Variants in ZBTB10 observed in about 807,000 individuals in gnomAD.
ZBTB10 encodes zinc finger and BTB domain-containing protein 10.
A neutral mutation model predicts 76.4 loss-of-function variants in ZBTB10; 32 were observed. The ratio of observed to expected loss-of-function variants is 0.42; its 90% confidence interval spans 0.32 to 0.56. The LOEUF (loss-of-function observed/expected upper bound fraction) is 0.56. ZBTB10 is among the 20% of genes least tolerant of loss of function. ZBTB10 has a pLI of 0.14. For missense variants in ZBTB10, 1,057 were observed against 1,098.5 expected (o/e 0.96, Z 0.53); for synonymous variants, 523 against 432.9 (o/e 1.21, Z -2.58).
rs1816503097 is a variant in ZBTB10, at chr8:80,524,147, C to A, written c.*4619C>A. 6.6e-6 allele frequency: 1 copy of A among 151,952 alleles called. No homozygotes were observed. Among genetic ancestry groups the A allele is most frequent in the South Asian group, 2.1e-4 (1 of 4,824 alleles). The allele number at this position is 151,952 out of a possible 1,614,324, so 9.4% of individuals were successfully genotyped here. On this transcript the variant is annotated 3_prime_UTR_variant, in exon 6 of 6. Transcript: ENST00000455036. ...TAGACTAATTGGGGTAAGGGGAACA[C>A]CTTAATGAACTTTGACTTATGTATA... is the stretch of plus-strand genomic sequence containing the variant.
chr8:80,499,190 CTTTT>C (rs1563459749), intron 1 of ZBTB10, among the ~76,000 whole-genome samples: 1 of 152,042 alleles, frequency 6.6e-6, no homozygotes, highest in East Asian at 1.9e-4. Flanking sequence ...AATAATTGCT[CTTTT>C]TAATTTTAAT....
chr8:80,497,095 G>A (rs897708369), intron 1 of ZBTB10, among the ~76,000 whole-genome samples: 4 of 152,232 alleles, frequency 2.6e-5, no homozygotes, highest in South Asian at 4.1e-4. Context: ...ATGCTTTTGT[G>A]GAAAGTTACA....
intron 1 of ZBTB10, among the ~76,000 whole-genome samples, chr8:80,497,472 TG>T (rs145467940): frequency 0.039 from 4,588 of 116,732 alleles, 108 homozygotes; most frequent in Non-Finnish European, 0.046. Flanking sequence ...TATTATATGG[TG>T]GGGGGGGGCA....
In ZBTB10 at chr8:80,486,461, C is replaced by T. The variant is rs1412625642; in HGVS notation, c.-350C>T. The T allele has an allele frequency of 2.0e-6, 2 of 985,000 alleles. No homozygotes were observed. Among genetic ancestry groups the T allele is most frequent in the African/African-American group, 3.5e-5 (2 of 57,148 alleles). The allele number at this position is 985,000 out of a possible 1,614,324, so 61.0% of individuals were successfully genotyped here. A position where few individuals can be genotyped will look rare whatever the true frequency, so the allele number is the denominator to read the frequency against. On this transcript the variant is annotated 5_prime_UTR_variant, in exon 1 of 6. Transcript: ENST00000455036. ...GGCAGCGGAGGGTCTCCCCGCACTC[C>T]GCTGCTCAACTTCGAAGGCCTCGCT...
At chr8:80,493,614 C>T (rs1345464720) in intron 1 of ZBTB10, among the ~76,000 whole-genome samples, 1 of 150,038 alleles carries the variant, frequency 6.7e-6, no homozygotes, top group Non-Finnish European at 1.5e-5. Flanking sequence ...GTCGGGAGTT[C>T]GAGACCAACC....
Position 80,519,324 on chromosome 8 carries a change from T to A in ZBTB10, c.2412T>A (p.Val804=), listed in dbSNP as rs370560742. 54 of 1,613,616 alleles carry A rather than the reference T, an allele frequency of 3.3e-5. No individual in the cohort carries two copies. Among genetic ancestry groups the A allele is most frequent in the Non-Finnish European group, 4.3e-5 (51 of 1,179,782 alleles). The stretch of plus-strand genomic sequence containing the variant: ...GACATGGATCTCGACGTTATGGTGT[T>A]TGTGTAGACTGTGCAGATAAATCAC... ...GIRHGSRRYG[V]CVDCADKSQP... Residue 804 remains valine, a synonymous_variant, in exon 6 of 6, where the codon GTT becomes GTA. Coordinates refer to ENST00000455036, the MANE Select transcript of ZBTB10 (RefSeq NM_001105539.3).
intron 2 of ZBTB10, among the ~76,000 whole-genome samples, chr8:80,501,737 A>T (rs929654577): frequency 6.6e-6 from 1 of 152,160 alleles, no homozygotes; most frequent in Non-Finnish European, 1.5e-5. Flanking sequence ...TATATAACGA[A>T]TACTATATAT....
At chr8:80,488,659 C>T (rs144940890) in intron 1 of ZBTB10, among the ~76,000 whole-genome samples, 2 of 152,278 alleles carry the variant, frequency 1.3e-5, no homozygotes, top group Non-Finnish European at 2.9e-5. Flanking sequence ...GTTCTTAGTC[C>T]TTGTTTTAAC....
intron 1 of ZBTB10, among the ~76,000 whole-genome samples, chr8:80,488,130 TA>T (rs1432477872): frequency 6.6e-6 from 1 of 152,210 alleles, no homozygotes; most frequent in African/African-American, 2.4e-5. Context: ...AAAATTTTAT[TA>T]GCTGTGATTT....
intron 1 of ZBTB10, among the ~76,000 whole-genome samples, chr8:80,493,207 G>GCACACACACA (rs369440030): frequency 0.017 from 2,181 of 125,228 alleles, 30 homozygotes; most frequent in Admixed American, 0.043. Flanking sequence ...GCGCGCGCGC[G>GCACACACACA]CACACACACA....
chr8:80,510,580 TTACA>T (rs1816162056), intron 2 of ZBTB10, among the ~76,000 whole-genome samples: 2 of 152,000 alleles, frequency 1.3e-5, no homozygotes, highest in Non-Finnish European at 2.9e-5. Context: ...CATTTGAATA[TTACA>T]TACCACTCAT....
chr8:80,512,731 G>T (rs1441553775), intron 2 of ZBTB10, among the ~76,000 whole-genome samples: 1 of 152,000 alleles, frequency 6.6e-6, no homozygotes, highest in Non-Finnish European at 1.5e-5. Flanking sequence ...GTAACTTTCA[G>T]TTTCTTAAAA....
Position 80,487,168 on chromosome 8 carries a change from C to T in ZBTB10, c.358C>T (p.Arg120Cys). Residue 120 changes from arginine to cysteine, a missense_variant, in exon 1 of 6, where the codon CGT (arginine) becomes TGT (cysteine). Physicochemically the swap from Arg to Cys is radical, Grantham distance 180 (BLOSUM62 -3). Coordinates refer to ENST00000455036, the MANE Select transcript of ZBTB10 (RefSeq NM_001105539.3). ...AGGPLLAERN[R>C]RTLAFRGGGG... ...GGGCCCCCTGCTAGCGGAAAGGAAC[C>T]GTCGGACTCTGGCCTTCCGAGGCGG... 2 of 1,529,130 alleles carry T rather than the reference C, an allele frequency of 1.3e-6. No homozygotes were observed. Among genetic ancestry groups the T allele is most frequent in the Non-Finnish European group, 1.8e-6 (2 of 1,140,346 alleles). The allele number at this position is 1,529,130 out of a possible 1,614,324, so 94.7% of individuals were successfully genotyped here.
At chr8:80,491,594 T>C (rs1458957121) in intron 1 of ZBTB10, among the ~76,000 whole-genome samples, 1 of 152,242 alleles carries the variant, frequency 6.6e-6, no homozygotes, top group Non-Finnish European at 1.5e-5. Context: ...TGAGTCTGTG[T>C]TTTGAGCCTT....
intron 1 of ZBTB10, among the ~76,000 whole-genome samples, chr8:80,493,193 A>ACGCGCGCGCGCGCGCG (rs1199081931): frequency 9.6e-5 from 12 of 124,434 alleles, no homozygotes; most frequent in East Asian, 2.4e-4. Flanking sequence ...GTGCCTCAAA[A>ACGCGCGCGCGCGCGCG]CGCGCGCGCG....
At chr8:80,487,872 A>C (rs1461211947) in intron 1 of ZBTB10, 90 bp downstream of exon 1, 4 of 1,398,392 alleles carry the variant, frequency 2.9e-6, no homozygotes, top group East Asian at 2.4e-5. Context: ...CCGAAAAAAA[A>C]CCTCAAAACC....
Position 80,518,836 on chromosome 8 carries a change from C to T in ZBTB10, c.2192C>T (p.Ala731Val). The T allele has an allele frequency of 6.2e-7, 1 of 1,612,722 alleles. No individual in the cohort carries two copies. The highest frequency in any genetic ancestry group is 8.5e-7 in the Non-Finnish European group (1 of 1,179,420). The change falls in exon 5 of 6, where the codon GCC becomes GTC. Residue 731 changes from alanine to valine, a missense_variant. Physicochemically the swap from Ala to Val is moderately conservative, Grantham distance 64 (BLOSUM62 0). Coordinates refer to ENST00000455036, the MANE Select transcript of ZBTB10 (RefSeq NM_001105539.3). Reference protein sequence around the residue: ...KLKCPHCSYVAKYRRTLKRHL... With the variant: ...KLKCPHCSYVVKYRRTLKRHL... The stretch of plus-strand genomic sequence containing the variant: ...AAATGCCCTCATTGTAGCTATGTAG[C>T]CAAATACAGACGAACACTAAAAAGG...
intron 3 of ZBTB10, among the ~76,000 whole-genome samples, chr8:80,516,745 C>A (rs1406938682): frequency 6.6e-6 from 1 of 152,184 alleles, no homozygotes; most frequent in Non-Finnish European, 1.5e-5. Context: ...ATTTTAGAGA[C>A]ATTTTTACTT....
At position 80,519,433 on chromosome 8, in the gene ZBTB10, G is replaced by C; in HGVS notation, c.2521G>C (p.Glu841Gln). The change falls in exon 6 of 6, where the codon GAA becomes CAA. Residue 841 changes from glutamate to glutamine, a missense_variant. By Grantham distance (29) the Glu-to-Gln change is conservative. Around this residue, in one of 5 missense-constraint regions of ZBTB10, gnomAD observed 55 missense variants for 65.5 expected, o/e 0.84. Transcript: ENST00000455036. ...DEEYEENEVG[E>Q]ADEELVDDGE... ...AGAATACGAGGAGAATGAAGTAGGA[G>C]AAGCTGATGAAGAGCTAGTTGATGA... is the stretch of plus-strand genomic sequence containing the variant. The C allele has an allele frequency of 1.2e-6, 2 of 1,612,594 alleles. No individual in the cohort carries two copies. Among genetic ancestry groups the C allele is most frequent in the Non-Finnish European group, 1.7e-6 (2 of 1,179,382 alleles).
Sources: gnomAD v4.1 joint callset for allele counts (sites outside exome capture counted in the v4.1 genomes callset) on GRCh38, gnomAD v4.1.1 for gene constraint, gnomAD v4.1.1 regional missense constraint, MANE v1.5 for transcripts, NCBI Gene and HGNC (gene_info 2026-07-23, HGNC 2026-07-21) for gene names.